PLXNA2: variants seen among roughly 807,000 people sequenced by gnomAD.
The protein encoded by PLXNA2 is plexin-A2.
In PLXNA2, 91 loss-of-function variants were observed where a neutral mutation model predicts 193.5. That is an observed-to-expected ratio of 0.47 (90% CI 0.40 to 0.56). The LOEUF (loss-of-function observed/expected upper bound fraction) is 0.56, where lower values mean the gene tolerates loss of function less well. PLXNA2 is among the 20% of genes least tolerant of loss of function. The probability of loss-of-function intolerance (pLI) is 0.00; values close to 1 mark genes in which losing one functional copy is unlikely to be tolerated. For missense variants in PLXNA2, 1,995 were observed against 2,503.2 expected (o/e 0.80, Z 4.33); for synonymous variants, 997 against 1,027.3 (o/e 0.97, Z 0.56).
In PLXNA2 at chr1:208,044,647, G is replaced by T; in HGVS notation, c.3735C>A (p.Gly1245=). Residue 1245 remains glycine, a synonymous_variant, in exon 20 of 32, where the codon GGC becomes GGA. Transcript: ENST00000367033. The surrounding 1 kb of genome is among the most constrained non-coding windows in gnomAD (Gnocchi z 4.9). The part of the protein sequence containing the change: ...TLPAIVSIAA[G]GSLLLIIVII... ...TGACGATGATGAGGAGGAGGCTGCCGCCGGCCGCGATGCTGACGATGGCTG... is the reference window on the plus strand; with the variant it reads ...TGACGATGATGAGGAGGAGGCTGCCTCCGGCCGCGATGCTGACGATGGCTG... The T allele has an allele frequency of 6.2e-7, 1 of 1,614,070 alleles. No individual in the cohort carries two copies. Among genetic ancestry groups the T allele is most frequent in the Non-Finnish European group, 8.5e-7 (1 of 1,179,974 alleles).
intron 1 of PLXNA2, 172 bp from the exon 2 acceptor site, chr1:208,218,174 C>T (rs1671207029): frequency 3.3e-6 from 2 of 609,688 alleles, no homozygotes. Flanking sequence ...TTCAGGGAAT[C>T]CTGTTATCTA....
intron 7 of PLXNA2, 52 bp downstream of exon 7, chr1:208,096,678 C>G: frequency 6.2e-7 from 1 of 1,600,498 alleles, no homozygotes; most frequent in Non-Finnish European, 8.5e-7. Context: ...CCCCAGCTCC[C>G]TCAGTATAGA....
At chr1:208,225,942 C>T (rs142107514) in intron 1 of PLXNA2, among the ~76,000 whole-genome samples, 2,541 of 152,308 alleles carry the variant, frequency 0.017, 34 homozygotes, top group South Asian at 0.07. Flanking sequence ...TTTGTTACAG[C>T]AACCCTGGCA....
intron 1 of PLXNA2, among the ~76,000 whole-genome samples, chr1:208,240,095 C>T (rs1360762702): frequency 6.6e-6 from 1 of 152,194 alleles, no homozygotes; most frequent in Non-Finnish European, 1.5e-5. Flanking sequence ...AGGCCTCAGC[C>T]ATTTCTTTCA....
In PLXNA2 at chr1:208,044,969, G is replaced by T. The variant is rs1301472821; in HGVS notation, c.3639+98C>A. On this transcript the variant is annotated intron_variant, in intron 19 of 31. Transcript: ENST00000367033. This position sits in a 1 kb window ranked among gnomAD's most constrained non-coding sequence, Gnocchi z 4.9. ...AGAGATGAGGAGATATGGAGGGGGTGAGTCAGGCAACGAGACAGAAGAGAG... is the reference window on the plus strand; with the variant it reads ...AGAGATGAGGAGATATGGAGGGGGTTAGTCAGGCAACGAGACAGAAGAGAG... The T allele has an allele frequency of 1.4e-6, 2 of 1,397,616 alleles. No individual in the cohort carries two copies. Among genetic ancestry groups the T allele is most frequent in the Non-Finnish European group, 2.0e-6 (2 of 994,506 alleles). The allele number at this position is 1,397,616 out of a possible 1,614,324, so 86.6% of individuals were successfully genotyped here. A position where few individuals can be genotyped will look rare whatever the true frequency, so the allele number is the denominator to read the frequency against.
At chr1:208,142,971 G>T (rs866381162) in intron 3 of PLXNA2, among the ~76,000 whole-genome samples, 41 of 152,292 alleles carry the variant, frequency 2.7e-4, no homozygotes, top group African/African-American at 8.2e-4. Flanking sequence ...GGGTCTTTCA[G>T]CCCCCAAACA....
At chr1:208,031,267 A>G in intron 29 of PLXNA2, 1 of 1,168,962 alleles carries the variant, frequency 8.6e-7, no homozygotes, top group Non-Finnish European at 1.1e-6. Flanking sequence ...AGGTTCCCCC[A>G]GCTCCCTTCT....
intron 28 of PLXNA2, 107 bp from the exon 29 acceptor site, chr1:208,031,866 G>A: frequency 2.3e-6 from 3 of 1,285,934 alleles, no homozygotes; most frequent in Non-Finnish European, 3.2e-6. Context: ...ATTTGTCTGG[G>A]ACACGAGGCT....
intron 3 of PLXNA2, among the ~76,000 whole-genome samples, chr1:208,148,857 C>T (rs760562717): frequency 6.6e-6 from 1 of 152,164 alleles, no homozygotes; most frequent in Non-Finnish European, 1.5e-5. Flanking sequence ...AGCCAAAATG[C>T]AGGAGTGGAA....
At chr1:208,169,050 C>A (rs548388780) in intron 3 of PLXNA2, among the ~76,000 whole-genome samples, 1 of 152,224 alleles carries the variant, frequency 6.6e-6, no homozygotes, top group East Asian at 1.9e-4. Context: ...TTTTCATGAA[C>A]TCCCTAGAGA....
intron 3 of PLXNA2, among the ~76,000 whole-genome samples, chr1:208,201,539 T>C (rs1416031066): frequency 1.3e-5 from 2 of 152,144 alleles, no homozygotes; most frequent in African/African-American, 2.4e-5. Flanking sequence ...CGTCTGACCT[T>C]GCAAACATGT....
intron 6 of PLXNA2, among the ~76,000 whole-genome samples, chr1:208,097,136 G>C (rs2498018): frequency 0.16 from 25,079 of 152,156 alleles, 2,410 homozygotes; most frequent in East Asian, 0.34. Flanking sequence ...GCATTAGAAA[G>C]CCCTAGGGGT....
chr1:208,029,572 T>C (rs1267319993), intron 29 of PLXNA2: 2 of 990,526 alleles, frequency 2.0e-6, no homozygotes, highest in East Asian at 1.1e-4. Flanking sequence ...GGCCGAGGAA[T>C]GGGCTCCCCT....
chr1:208,184,765 A>G (rs966631231), intron 3 of PLXNA2, among the ~76,000 whole-genome samples: 1 of 152,072 alleles, frequency 6.6e-6, no homozygotes, highest in East Asian at 1.9e-4. Flanking sequence ...ACACACACAC[A>G]CGCCTCATGC....
intron 22 of PLXNA2, among the ~76,000 whole-genome samples, chr1:208,041,517 A>G (rs959543576): frequency 6.6e-6 from 1 of 152,212 alleles, no homozygotes; most frequent in African/African-American, 2.4e-5. Flanking sequence ...AGTGCTGCGC[A>G]ATAGAACCTT....
At chr1:208,098,610 T>C (rs1666994063) in intron 6 of PLXNA2, among the ~76,000 whole-genome samples, 1 of 152,152 alleles carries the variant, frequency 6.6e-6, no homozygotes, top group African/African-American at 2.4e-5. Context: ...TGTTACTAAA[T>C]GCAAAAATCT....
In PLXNA2 at chr1:208,074,789, T is replaced by C. The variant is rs58657866; in HGVS notation, c.2586+4471A>G. Among the ~76,000 whole-genome samples the C allele has an allele frequency of 7.5e-3, 1,148 of 152,280 alleles. 10 individuals are homozygous for C. Among genetic ancestry groups the C allele is most frequent in the African/African-American group, 0.027 (1,110 of 41,546 alleles). ...CACCCCCAACTGCCATCACAGGCCA[T>C]CTTAGAATCCTTCTCTTTTCATCCT... On this transcript the variant is annotated intron_variant, in intron 12 of 31. Transcript: ENST00000367033.
In PLXNA2 at chr1:208,181,226, C is replaced by G. The variant is rs181526694; in HGVS notation, c.1371+29054G>C. 2.7e-3 allele frequency among the ~76,000 whole-genome samples: 409 copies of G among 152,284 alleles called. 11 individuals carry two copies. The highest frequency in any genetic ancestry group is 0.025 in the Admixed American group (384 of 15,292). ...CACTTCCCGACCCAGGTAGGCAGAC[C>G]GAGCCTTTTCCTTCTGAGCAAGCCC... On this transcript the variant is annotated intron_variant, in intron 3 of 31. Transcript: ENST00000367033.
At chr1:208,141,933 G>T (rs995804371) in intron 4 of PLXNA2, among the ~76,000 whole-genome samples, 5 of 152,228 alleles carry the variant, frequency 3.3e-5, no homozygotes, top group Admixed American at 2.0e-4. Flanking sequence ...CCTGTCTTGG[G>T]TCTGCCTCTC....
Sources: gnomAD v4.1 joint callset for allele counts (sites outside exome capture counted in the v4.1 genomes callset) on GRCh38, gnomAD v4.1.1 for gene constraint, Gnocchi (gnomAD v3.1) non-coding constraint, MANE v1.5 for transcripts, NCBI Gene and HGNC (gene_info 2026-07-23, HGNC 2026-07-21) for gene names.